The following GPC5 variants were observed in gnomAD, a reference collection of about 807,000 sequenced individuals.
The protein encoded by GPC5 is glypican-5.
A neutral mutation model predicts 53.9 loss-of-function variants in GPC5; 47 were observed. That is an observed-to-expected ratio of 0.87 (90% confidence interval 0.69 to 1.11). GPC5 has a LOEUF of 1.11. Ranked by LOEUF, GPC5 falls within the 50% of genes most tolerant of loss-of-function variation. GPC5 has a pLI of 0.00. For missense variants in GPC5, 748 were observed against 713.1 expected, an observed-to-expected ratio of 1.05 and a Z score of -0.56; for synonymous variants, 286 against 263.3, an observed-to-expected ratio of 1.09 and a Z score of -0.84.
chr13:92,108,845 A>G (rs2041530186), intron 6 of GPC5, among the ~76,000 whole-genome samples: 1 of 152,060 alleles, frequency 6.6e-6, no homozygotes, highest in African/African-American at 2.4e-5. Context: ...ACCTGCCAAG[A>G]TTACCTGTTC....
rs965518074 is a variant in GPC5 at position 91,736,170 on chromosome 13, A to G, written c.1154+7505A>G. On this transcript the variant is annotated intron_variant, in intron 4 of 7. Coordinates refer to ENST00000377067, the MANE Select transcript of GPC5 (RefSeq NM_004466.6). Reference sequence around the variant, plus strand: ...AGAAAGAGGGTGAGGGATGAATTAAAAAATTAAGATAATAAAATAATAAAG... The same window carrying G: ...AGAAAGAGGGTGAGGGATGAATTAAGAAATTAAGATAATAAAATAATAAAG... 1.4e-4 allele frequency among the ~76,000 whole-genome samples: 21 copies of G among 151,292 alleles called. 1 individual carries two copies. Among genetic ancestry groups the G allele is most frequent in the Non-Finnish European group, 2.6e-4 (18 of 68,006 alleles).
intron 7 of GPC5, among the ~76,000 whole-genome samples, chr13:92,224,384 A>C (rs939012121): frequency 6.6e-6 from 1 of 152,170 alleles, no homozygotes; most frequent in East Asian, 1.9e-4. Flanking sequence ...AGCTTCAGGA[A>C]ACTTTTGGAT....
At chr13:92,763,690 T>C (rs887536604) in intron 7 of GPC5, among the ~76,000 whole-genome samples, 3 of 152,048 alleles carry the variant, frequency 2.0e-5, no homozygotes, top group Non-Finnish European at 2.9e-5. Flanking sequence ...AAGGAAGAAT[T>C]GGATGTAAAA....
chr13:92,647,759 G>A (rs1885821608), intron 7 of GPC5, among the ~76,000 whole-genome samples: 3 of 152,068 alleles, frequency 2.0e-5, no homozygotes, highest in Non-Finnish European at 2.9e-5. Flanking sequence ...GAGAATAATG[G>A]AAGCTAACTC....
intron 4 of GPC5, among the ~76,000 whole-genome samples, chr13:91,749,636 T>C (rs2140102063): frequency 6.6e-6 from 1 of 152,336 alleles, no homozygotes; most frequent in South Asian, 2.1e-4. Flanking sequence ...CAAATGGTAG[T>C]TCTATTTTTA....
intron 7 of GPC5, among the ~76,000 whole-genome samples, chr13:92,155,924 A>G (rs994507294): frequency 6.6e-6 from 1 of 152,190 alleles, no homozygotes; most frequent in Non-Finnish European, 1.5e-5. Flanking sequence ...TGCAGAGATC[A>G]TAACAGAATA....
chr13:91,965,530 T>C (rs60888973), intron 6 of GPC5, among the ~76,000 whole-genome samples: 1,617 of 152,342 alleles, frequency 0.011, 29 homozygotes, highest in African/African-American at 0.037. Context: ...CATGTAATTG[T>C]ACATATCTTC....
At chr13:92,104,015 G>C (rs1464145172) in intron 6 of GPC5, among the ~76,000 whole-genome samples, 1 of 152,082 alleles carries the variant, frequency 6.6e-6, no homozygotes, top group Non-Finnish European at 1.5e-5. Flanking sequence ...ATTAAACCAT[G>C]ATTACTGATT....
chr13:92,129,599 G>A (rs2041727283), intron 6 of GPC5, among the ~76,000 whole-genome samples: 2 of 152,094 alleles, frequency 1.3e-5, no homozygotes, highest in African/African-American at 2.4e-5. Flanking sequence ...TATAATAAAA[G>A]TAGACAAACT....
At chr13:91,443,606 G>T (rs1028493417) in intron 1 of GPC5, among the ~76,000 whole-genome samples, 1 of 152,314 alleles carries the variant, frequency 6.6e-6, no homozygotes, top group Middle Eastern at 3.4e-3. Flanking sequence ...TCATCTGACA[G>T]ATTTTCTGCC....
chr13:92,685,575 A>AATTTTTTTTTTT (rs1887247180), intron 7 of GPC5, among the ~76,000 whole-genome samples: 2 of 47,568 alleles, frequency 4.2e-5, no homozygotes, highest in African/African-American at 1.4e-4. Context: ...TTTTTTTTTT[A>AATTTTTTTTTTT]TTATACTCTA....
At chr13:92,023,694 ACTCTCTCTCT>A (rs5805724) in intron 6 of GPC5, among the ~76,000 whole-genome samples, 31 of 148,016 alleles carry the variant, frequency 2.1e-4, no homozygotes, top group African/African-American at 7.0e-4. Context: ...ACACACACAC[ACTCTCTCTCT>A]CTCTTATAAA....
intron 7 of GPC5, among the ~76,000 whole-genome samples, chr13:92,420,786 C>T (rs1876522962): frequency 6.6e-6 from 1 of 152,126 alleles, no homozygotes; most frequent in Non-Finnish European, 1.5e-5. Context: ...AGCTAATGAC[C>T]TCCAGGTCTA....
At chr13:92,611,687 A>G (rs1165589027) in intron 7 of GPC5, among the ~76,000 whole-genome samples, 1 of 152,138 alleles carries the variant, frequency 6.6e-6, no homozygotes, top group Non-Finnish European at 1.5e-5. Context: ...CCAAACACTT[A>G]TTTAATGAAT....
intron 7 of GPC5, among the ~76,000 whole-genome samples, chr13:92,419,590 T>A (rs1413566483): frequency 6.6e-6 from 1 of 152,190 alleles, no homozygotes; most frequent in Non-Finnish European, 1.5e-5. Flanking sequence ...ATTATATACA[T>A]AAACTCTCTG....
intron 2 of GPC5, among the ~76,000 whole-genome samples, chr13:91,465,753 T>C (rs1398396953): frequency 1.3e-5 from 2 of 152,300 alleles, no homozygotes; most frequent in Admixed American, 1.3e-4. Flanking sequence ...CTTTAACTTT[T>C]TTTCCTCAAA....
intron 7 of GPC5, among the ~76,000 whole-genome samples, chr13:92,454,285 A>G (rs1328876253): frequency 6.6e-6 from 1 of 152,198 alleles, no homozygotes; most frequent in Non-Finnish European, 1.5e-5. Flanking sequence ...TGTCTTTATC[A>G]AAAATTGATT....
intron 7 of GPC5, among the ~76,000 whole-genome samples, chr13:92,818,906 CA>C (rs1416855354): frequency 6.6e-6 from 1 of 151,946 alleles, no homozygotes; most frequent in Admixed American, 6.5e-5. Flanking sequence ...AGACAGTTCA[CA>C]TAGTGAAAGA....
intron 5 of GPC5, among the ~76,000 whole-genome samples, chr13:91,898,431 C>T (rs960305164): frequency 4.6e-5 from 7 of 152,122 alleles, no homozygotes; most frequent in Admixed American, 1.3e-4. Flanking sequence ...GTGTTTCCTT[C>T]CCTAGGTCTT....
Sources: gnomAD v4.1 joint callset for allele counts (sites outside exome capture counted in the v4.1 genomes callset) on GRCh38, gnomAD v4.1.1 for gene constraint, MANE v1.5 for transcripts, NCBI Gene and HGNC (gene_info 2026-07-23, HGNC 2026-07-21) for gene names.